The following CNOT11 variants were observed in gnomAD, a reference collection of about 807,000 sequenced individuals.
CNOT11 encodes UPF0760 protein C2orf29.
In CNOT11, 18 loss-of-function variants were observed where a neutral mutation model predicts 44.6. The observed-to-expected ratio is 0.40, with a 90% CI of 0.28 to 0.60. CNOT11 has a LOEUF of 0.60. CNOT11 is among the 20% of genes least tolerant of loss of function. The pLI, the probability that CNOT11 is intolerant of heterozygous loss-of-function variation, is 0.38. For synonymous variants in CNOT11, 291 were observed against 270.9 expected (o/e 1.07, Z -0.73); for missense variants, 513 against 677.0 (o/e 0.76, Z 2.69).
intron 1 of CNOT11, among the ~76,000 whole-genome samples, chr2:101,254,543 T>G (rs1681696728): frequency 6.6e-6 from 1 of 152,066 alleles, no homozygotes; most frequent in Non-Finnish European, 1.5e-5. Context: ...CTAAGAAGCT[T>G]GTGACTGCCC....
intron 4 of CNOT11, 95 bp downstream of exon 4, chr2:101,265,142 C>G (rs1681953595): frequency 1.2e-6 from 1 of 854,092 alleles, no homozygotes; most frequent in African/African-American, 1.7e-5. Flanking sequence ...ACTCGGCTGC[C>G]CAGGGTGGAG....
rs1232290557 is a variant in CNOT11, at chr2:101,264,984, G to A, written c.972G>A (p.Val324=). 1.2e-6 allele frequency: 2 copies of A among 1,613,980 alleles called. No individual in the cohort carries two copies. Among genetic ancestry groups the A allele is most frequent in the African/African-American group, 1.3e-5 (1 of 74,902 alleles). The change falls in exon 4 of 7, where the codon GTG becomes GTA. Residue 324 remains valine, a synonymous_variant. Coordinates refer to ENST00000289382, the MANE Select transcript of CNOT11 (RefSeq NM_017546.5). The part of the protein sequence containing the change: ...KSMCVKNSTG[V]EIKRIMAKAF... ...TGTGTGTTAAGAATAGCACTGGTGTGGAGATCAAACGAATAATGGCCAAAG... is the reference window on the plus strand; with the variant it reads ...TGTGTGTTAAGAATAGCACTGGTGTAGAGATCAAACGAATAATGGCCAAAG...
chr2:101,269,193 CA>C lies in CNOT11; in HGVS notation c.1336-22del, dbSNP rs553388441. On this transcript the variant is annotated intron_variant, in intron 6 of 6. Coordinates refer to ENST00000289382, the MANE Select transcript of CNOT11 (RefSeq NM_017546.5). The surrounding 1 kb of genome is among the most constrained non-coding windows in gnomAD (Gnocchi z 4.8). Reference sequence around the variant, plus strand: ...GCTGCCAGGAAAATGAGCAGACTAACATTTTTTTTTTTCCTTTTTCAGAATC... The same window carrying C: ...GCTGCCAGGAAAATGAGCAGACTAACTTTTTTTTTTTCCTTTTTCAGAATC... 1.0e-4 allele frequency: 161 copies of C among 1,595,260 alleles called. No individual in the cohort carries two copies. In the East Asian group the frequency reaches 1.6e-3, roughly 16 times the overall value.
Position 101,253,033 on chromosome 2 carries a change from G to C in CNOT11, c.69G>C (p.Arg23=). ...CCGCCGCGGAGCAAAGAGGGTCCCG[G>C]GAAGCGGCAGGGTCGGCGTCCAGGA... ...LLTAAEQRGS[R]EAAGSASRSG... The change falls in exon 1 of 7, where the codon CGG becomes CGC. Residue 23 remains arginine, a synonymous_variant. Transcript: ENST00000289382. This position sits in a 1 kb window ranked among gnomAD's most constrained non-coding sequence, Gnocchi z 4.3. 1.3e-6 allele frequency: 2 copies of C among 1,514,564 alleles called. No homozygotes were observed. The highest frequency in any genetic ancestry group is 2.7e-5 in the East Asian group (1 of 37,220). 93.8% of individuals were successfully genotyped at this position (1,514,564 alleles called of 1,614,324 possible).
intron 2 of CNOT11, among the ~76,000 whole-genome samples, chr2:101,261,851 T>TTC (rs1681870716): frequency 7.0e-6 from 1 of 142,458 alleles, no homozygotes; most frequent in South Asian, 2.3e-4. Context: ...TTTCTTTTTT[T>TTC]TTTTTTTTTT....
rs764013719 is a variant in CNOT11, at chr2:101,264,893, G to C, written c.881G>C (p.Cys294Ser). ...FIRPPPPLHI[C>S]EDELAWLNPT... ...CGTCCACCGCCTCCACTCCACATTT[G>C]TGAGGATGAACTTGCTTGGCTAAAC... The change falls in exon 4 of 7, where the codon TGT becomes TCT. Residue 294 changes from cysteine to serine, a missense_variant. Physicochemically the swap from Cys to Ser is moderately radical, Grantham distance 112. This residue lies in a region of CNOT11 where 140 missense variants were observed against 169.8 expected (regional missense o/e 0.82). Coordinates refer to ENST00000289382, the MANE Select transcript of CNOT11 (RefSeq NM_017546.5). The C allele has an allele frequency of 6.2e-7, 1 of 1,614,070 alleles. No individual in the cohort carries two copies. The highest frequency in any genetic ancestry group is 1.1e-5 in the South Asian group (1 of 91,084).
At chr2:101,257,071 G>T (rs1681749868) in intron 1 of CNOT11, among the ~76,000 whole-genome samples, 3 of 151,268 alleles carry the variant, frequency 2.0e-5, no homozygotes, top group Admixed American at 1.3e-4. Context: ...AAAAGAAAAT[G>T]AAGTTACTAA....
chr2:101,253,438 C>A lies in CNOT11; in HGVS notation c.474C>A (p.Pro158=), dbSNP rs765867544. 3.9e-6 allele frequency: 6 copies of A among 1,528,184 alleles called. No individual in the cohort carries two copies. In the African/African-American group the frequency reaches 4.2e-5, roughly 11 times the overall value. The allele number at this position is 1,528,184 out of a possible 1,614,324, so 94.7% of individuals were successfully genotyped here. ...CGCACCTGCTCAACCCCGCGCCGCC[C>A]GCCCGCGGCGGCCAGGAACCCGACC... ...SFAHLLNPAP[P]ARGGQEPDRP... Residue 158 remains proline, a synonymous_variant, in exon 1 of 7, where the codon CCC becomes CCA. Transcript: ENST00000289382. This position sits in a 1 kb window ranked among gnomAD's most constrained non-coding sequence, Gnocchi z 4.3.
At chr2:101,267,411 T>C (rs1405516447) in intron 5 of CNOT11, among the ~76,000 whole-genome samples, 3 of 152,172 alleles carry the variant, frequency 2.0e-5, no homozygotes, top group Admixed American at 2.0e-4. Flanking sequence ...CATGAGCCAG[T>C]GTGCCAGCCA....
intron 2 of CNOT11, among the ~76,000 whole-genome samples, chr2:101,260,477 G>A (rs958669984): frequency 2.0e-5 from 3 of 152,182 alleles, no homozygotes; most frequent in South Asian, 2.1e-4. Context: ...GCTGCCTGCC[G>A]TCCTCTACCC....
chr2:101,253,101 G>A lies in CNOT11; in HGVS notation c.137G>A (p.Gly46Asp). Reference sequence around the variant, plus strand: ...GGCGGCGGCAGAGGCGGAGCAAGCGGCCCCGGGTCCGGGAGCGGAGGCCCG... The same window carrying A: ...GGCGGCGGCAGAGGCGGAGCAAGCGACCCCGGGTCCGGGAGCGGAGGCCCG... ...GSGGGRGGAS[G>D]PGSGSGGPGG... The change falls in exon 1 of 7, where the codon GGC becomes GAC. Residue 46 changes from glycine (G) to aspartate (D), a missense_variant. Around this residue, in one of 4 missense-constraint regions of CNOT11, gnomAD observed 259 missense variants for 265.7 expected, o/e 0.97. Transcript: ENST00000289382. The surrounding 1 kb of genome is among the most constrained non-coding windows in gnomAD (Gnocchi z 4.3). 3 of 1,514,804 alleles carry A rather than the reference G, an allele frequency of 2.0e-6. No individual in the cohort carries two copies. Among genetic ancestry groups the A allele is most frequent in the East Asian group, 2.7e-5 (1 of 37,732 alleles). The allele number at this position is 1,514,804 out of a possible 1,614,324, so 93.8% of individuals were successfully genotyped here.
chr2:101,252,901 GGGGAC>G lies in CNOT11; in HGVS notation c.-61_-57del. The G allele has an allele frequency of 7.4e-7, 1 of 1,359,326 alleles. No individual in the cohort carries two copies. Among genetic ancestry groups the G allele is most frequent in the Non-Finnish European group, 9.4e-7 (1 of 1,059,784 alleles). 84.2% of individuals were successfully genotyped at this position (1,359,326 alleles called of 1,614,324 possible). ...GTGTAACAGCGCGCTTTACGGCCGC[GGGGAC>G]GGAGCGAGCCGGCGCCAGGGCCCCT... is the stretch of plus-strand genomic sequence containing the variant. On this transcript the variant is annotated 5_prime_UTR_variant, in exon 1 of 7. Coordinates refer to ENST00000289382, the MANE Select transcript of CNOT11 (RefSeq NM_017546.5).
In CNOT11 at chr2:101,253,024, A is replaced by C. The variant is rs975536091; in HGVS notation, c.60A>C (p.Arg20Ser). The change falls in exon 1 of 7, where the codon AGA becomes AGC. Residue 20 changes from arginine (R) to serine (S), a missense_variant. Transcript: ENST00000289382. The surrounding 1 kb of genome is among the most constrained non-coding windows in gnomAD (Gnocchi z 4.3). The stretch of plus-strand genomic sequence containing the variant: ...GGCTTCTCACCGCCGCGGAGCAAAG[A>C]GGGTCCCGGGAAGCGGCAGGGTCGG... ...SGRLLTAAEQRGSREAAGSAS... is the reference protein window; with the variant it reads ...SGRLLTAAEQSGSREAAGSAS... 84 of 1,511,984 alleles carry C rather than the reference A, an allele frequency of 5.6e-5. No homozygotes were observed. The African/African-American group carries it at 1.1e-3, about 19-fold the overall frequency. The allele number at this position is 1,511,984 out of a possible 1,614,324, so 93.7% of individuals were successfully genotyped here.
At chr2:101,258,292 G>A (rs944696872) in intron 2 of CNOT11, among the ~76,000 whole-genome samples, 17 of 152,020 alleles carry the variant, frequency 1.1e-4, no homozygotes, top group African/African-American at 4.1e-4. Flanking sequence ...CAGCTACTCA[G>A]GAGGCTGAGA....
chr2:101,260,881 A>C (rs756167198), intron 2 of CNOT11, among the ~76,000 whole-genome samples: 1 of 151,680 alleles, frequency 6.6e-6, no homozygotes, highest in Non-Finnish European at 1.5e-5. Flanking sequence ...TTTGTACTTC[A>C]ACAATCTGAG....
At chr2:101,262,420 C>G (rs74642933) in intron 2 of CNOT11, 119 bp from the exon 3 acceptor site, 12 of 855,312 alleles carry the variant, frequency 1.4e-5, no homozygotes, top group Non-Finnish European at 2.2e-5. Context: ...CACATTTTCT[C>G]TCTCTCTCTG....
chr2:101,259,248 T>C (rs954396805), intron 2 of CNOT11, among the ~76,000 whole-genome samples: 1 of 152,244 alleles, frequency 6.6e-6, no homozygotes, highest in African/African-American at 2.4e-5. Context: ...TGTCTATATG[T>C]CTGTCTTTCT....
Position 101,269,182 on chromosome 2 carries a change from G to T in CNOT11, c.1336-34G>T, listed in dbSNP as rs768504754. On this transcript the variant is annotated intron_variant, in intron 6 of 6. Transcript: ENST00000289382. The surrounding 1 kb of genome is among the most constrained non-coding windows in gnomAD (Gnocchi z 4.8). Reference sequence around the variant, plus strand: ...TTTTATAAATGGCTGCCAGGAAAATGAGCAGACTAACATTTTTTTTTTTCC... The same window carrying T: ...TTTTATAAATGGCTGCCAGGAAAATTAGCAGACTAACATTTTTTTTTTTCC... 6.2e-7 allele frequency: 1 copy of T among 1,602,900 alleles called. No individual in the cohort carries two copies.
chr2:101,253,109 T>C lies in CNOT11; in HGVS notation c.145T>C (p.Ser49Pro), dbSNP rs754784570. The part of the protein sequence containing the change: ...GGRGGASGPG[S>P]GSGGPGGPAG... Reference sequence around the variant, plus strand: ...CAGAGGCGGAGCAAGCGGCCCCGGGTCCGGGAGCGGAGGCCCGGGGGGCCC... The same window carrying C: ...CAGAGGCGGAGCAAGCGGCCCCGGGCCCGGGAGCGGAGGCCCGGGGGGCCC... The change falls in exon 1 of 7, where the codon TCC becomes CCC. Residue 49 changes from serine to proline, a missense_variant. By Grantham distance (74) the Ser-to-Pro change is moderately conservative (BLOSUM62 -1). Transcript: ENST00000289382. The surrounding 1 kb of genome is among the most constrained non-coding windows in gnomAD (Gnocchi z 4.3). The C allele has an allele frequency of 6.6e-6, 10 of 1,516,918 alleles. No individual in the cohort carries two copies. Among genetic ancestry groups the C allele is most frequent in the Middle Eastern group, 2.0e-4 (1 of 4,978 alleles). 94.0% of individuals were successfully genotyped at this position (1,516,918 alleles called of 1,614,324 possible). A position where few individuals can be genotyped will look rare whatever the true frequency, so the allele number is the denominator to read the frequency against.
Sources: gnomAD v4.1 joint callset for allele counts (sites outside exome capture counted in the v4.1 genomes callset) on GRCh38, gnomAD v4.1.1 for gene constraint, gnomAD v4.1.1 regional missense constraint, Gnocchi (gnomAD v3.1) non-coding constraint, MANE v1.5 for transcripts, NCBI Gene and HGNC (gene_info 2026-07-23, HGNC 2026-07-21) for gene names.